The following DLC1 variants were observed in gnomAD, a reference collection of about 807,000 sequenced individuals.
DLC1 encodes DLC1 Rho GTPase activating protein.
DLC1 carries 54 observed loss-of-function variants against 140.3 expected under a neutral mutation model. The observed-to-expected ratio is 0.38, with a 90% CI of 0.31 to 0.48. The LOEUF (loss-of-function observed/expected upper bound fraction) is 0.48, where lower values mean the gene tolerates loss of function less well. Among genes scored for constraint, DLC1 ranks in the 20% least tolerant of loss-of-function variants. The pLI is 0.96. For missense variants in DLC1, 2,536 were observed against 1,907.0 expected, an observed-to-expected ratio of 1.33 and a Z score of -6.14; for synonymous variants, 986 against 728.1, an observed-to-expected ratio of 1.35 and a Z score of -5.70.
chr8:13,377,883 A>C (rs1836073433), intron 4 of DLC1, among the ~76,000 whole-genome samples: 1 of 151,852 alleles, frequency 6.6e-6, no homozygotes, highest in Admixed American at 6.6e-5. Context: ...TTTGACCAGA[A>C]GATGGCAGCA....
chr8:13,122,355 C>T (rs1821163417), intron 5 of DLC1, among the ~76,000 whole-genome samples: 1 of 152,164 alleles, frequency 6.6e-6, no homozygotes, highest in Non-Finnish European at 1.5e-5. Context: ...AGCTCTCATA[C>T]CTTAAGCCCT....
chr8:13,339,780 G>A (rs929237584), intron 4 of DLC1: 6 of 152,168 alleles, frequency 3.9e-5, no homozygotes, highest in Non-Finnish European at 7.3e-5. Context: ...TGTATAGAAA[G>A]CCTATAGCAA....
At chr8:13,304,891 TC>T (rs1832353415) in intron 5 of DLC1, 2 of 993,510 alleles carry the variant, frequency 2.0e-6, no homozygotes, top group African/African-American at 3.5e-5. Flanking sequence ...ATCAATTACA[TC>T]TTTTTCTGTG....
At chr8:13,484,890 G>C (rs1318108348) in intron 2 of DLC1, among the ~76,000 whole-genome samples, 6 of 151,686 alleles carry the variant, frequency 4.0e-5, no homozygotes, top group Non-Finnish European at 7.4e-5. Context: ...AGATTACGTG[G>C]GACTCACAGT....
chr8:13,350,580 G>A (rs1047645755), intron 4 of DLC1, among the ~76,000 whole-genome samples: 4 of 152,154 alleles, frequency 2.6e-5, no homozygotes, highest in African/African-American at 7.2e-5. Flanking sequence ...GCCGGGCGTG[G>A]TGGTGGCCAC....
chr8:13,349,665 A>G lies in DLC1; in HGVS notation c.1314+43888T>C, dbSNP rs1210713567. ...GCCAGAGCTCACCAGGTATATAAGG[A>G]AAGTCCCTAACACGAAAGGATTTGT... is the stretch of plus-strand genomic sequence containing the variant. On this transcript the variant is annotated intron_variant, in intron 4 of 17. Transcript: ENST00000276297. Among the ~76,000 whole-genome samples the G allele has an allele frequency of 5.3e-5, 8 of 152,334 alleles. No homozygotes were observed. The South Asian group carries it at 1.0e-3, about 20-fold the overall frequency.
rs939846922 is a variant in DLC1, at chr8:13,085,555, T to C, written c.*256A>G. ...AAAGAGTTTTGCTTCTCAGAAGCAA[T>C]TTGAATAAGAATACACATAAATTTT... On this transcript the variant is annotated 3_prime_UTR_variant, in exon 18 of 18. Coordinates refer to ENST00000276297, the MANE Select transcript of DLC1 (RefSeq NM_182643.3). 5.8e-6 allele frequency: 2 copies of C among 345,930 alleles called. No individual in the cohort carries two copies. The highest frequency in any genetic ancestry group is 1.0e-5 in the Non-Finnish European group (2 of 194,818). 21.4% of individuals were successfully genotyped at this position (345,930 alleles called of 1,614,324 possible).
chr8:13,312,301 C>A (rs1169431050), intron 4 of DLC1, among the ~76,000 whole-genome samples: 1 of 105,306 alleles, frequency 9.5e-6, no homozygotes, highest in African/African-American at 3.7e-5. Context: ...GCGGAGCTTG[C>A]AGTGAGCCGA....
intron 1 of DLC1, among the ~76,000 whole-genome samples, chr8:13,599,837 A>T (rs1805811211): frequency 6.6e-6 from 1 of 151,992 alleles, no homozygotes; most frequent in Non-Finnish European, 1.5e-5. Context: ...GAAAAAACAT[A>T]AAAATTTTTA....
At chr8:13,362,412 G>A (rs1044125089) in intron 4 of DLC1, among the ~76,000 whole-genome samples, 5 of 152,102 alleles carry the variant, frequency 3.3e-5, no homozygotes, top group African/African-American at 4.8e-5. Context: ...TTAGATTCCC[G>A]GGCACTCTGT....
At chr8:13,581,817 C>G (rs773981539) in intron 1 of DLC1, among the ~76,000 whole-genome samples, 10 of 152,200 alleles carry the variant, frequency 6.6e-5, no homozygotes, top group Non-Finnish European at 8.8e-5. Context: ...TTCTCTCTCC[C>G]TCGCTTCTCC....
chr8:13,484,210 T>A (rs540062635), intron 2 of DLC1, among the ~76,000 whole-genome samples: 1 of 152,298 alleles, frequency 6.6e-6, no homozygotes, highest in East Asian at 1.9e-4. Context: ...GAGGAAAAGA[T>A]GGTAGAGAAT....
chr8:13,096,855 AT>A (rs1818538238), intron 10 of DLC1, among the ~76,000 whole-genome samples: 1 of 152,206 alleles, frequency 6.6e-6, no homozygotes, highest in South Asian at 2.1e-4. Context: ...TTTATCAAAT[AT>A]GGTAGTGTGC....
intron 2 of DLC1, among the ~76,000 whole-genome samples, chr8:13,481,803 A>C (rs959357489): frequency 6.6e-6 from 1 of 152,184 alleles, no homozygotes; most frequent in East Asian, 1.9e-4. Context: ...TGTTGTGATG[A>C]GGTCATATTA....
At chr8:13,435,865 C>A (rs567228195) in intron 2 of DLC1, among the ~76,000 whole-genome samples, 1 of 152,268 alleles carries the variant, frequency 6.6e-6, no homozygotes, top group African/African-American at 2.4e-5. Flanking sequence ...ATGCAGCAAA[C>A]TTTATTGTTG....
At chr8:13,200,469 C>G (rs1349756993) in intron 5 of DLC1, among the ~76,000 whole-genome samples, 2 of 152,148 alleles carry the variant, frequency 1.3e-5, no homozygotes, top group African/African-American at 2.4e-5. Flanking sequence ...TGATTCCTAA[C>G]CAGACGAATT....
chr8:13,200,698 G>C (rs1457488513), intron 5 of DLC1, among the ~76,000 whole-genome samples: 2 of 151,884 alleles, frequency 1.3e-5, no homozygotes, highest in Admixed American at 6.6e-5. Flanking sequence ...TTCAACTCCA[G>C]GGCTCAAGAG....
At chr8:13,276,656 C>T (rs904928244) in intron 5 of DLC1, 1 of 1,134,464 alleles carries the variant, frequency 8.8e-7, no homozygotes, top group Non-Finnish European at 1.1e-6. Flanking sequence ...GCACAGCTAT[C>T]CGGAGGCGTC....
intron 4 of DLC1, among the ~76,000 whole-genome samples, chr8:13,387,953 C>G (rs571079633): frequency 2.0e-5 from 3 of 152,028 alleles, no homozygotes; most frequent in Non-Finnish European, 4.4e-5. Context: ...CTTTGAAAGA[C>G]TGATGGAGTT....
Sources: allele counts gnomAD v4.1 joint callset (sites outside exome capture counted in the v4.1 genomes callset), GRCh38; gene constraint gnomAD v4.1.1; transcripts MANE v1.5; gene names NCBI Gene and HGNC (gene_info 2026-07-23, HGNC 2026-07-21).